Variants in FAM219A observed in about 807,000 individuals in gnomAD.
FAM219A encodes the protein family with sequence similarity 219 member A.
FAM219A carries 7 observed loss-of-function variants against 23.4 expected under a neutral mutation model. That is an observed-to-expected ratio of 0.30 (90% CI 0.17 to 0.56). The LOEUF is 0.56. FAM219A is among the 20% of genes least tolerant of loss of function. The pLI is 0.92. For missense variants in FAM219A, 166 were observed against 246.9 expected, an observed-to-expected ratio of 0.67 and a Z score of 2.20; for synonymous variants, 93 against 99.0, an observed-to-expected ratio of 0.94 and a Z score of 0.36.
chr9:34,442,316 ATTTGTT>A (rs977853078), intron 1 of FAM219A, among the ~76,000 whole-genome samples: 1 of 152,162 alleles, frequency 6.6e-6, no homozygotes, highest in African/African-American at 2.4e-5. Flanking sequence ...TGAACTTTTT[ATTTGTT>A]TTTGTTTTTG....
chr9:34,440,536 G>GT (rs966270212), intron 1 of FAM219A, among the ~76,000 whole-genome samples: 10 of 150,216 alleles, frequency 6.7e-5, no homozygotes, highest in East Asian at 2.0e-4. Flanking sequence ...GCCCTCACAG[G>GT]TTTTTTTTTC....
chr9:34,424,352 GC>G (rs1822381016), intron 1 of FAM219A, among the ~76,000 whole-genome samples: 1 of 152,002 alleles, frequency 6.6e-6, no homozygotes, highest in African/African-American at 2.4e-5. Context: ...TTCTTGTGAG[GC>G]TTGCAAGTCC....
At chr9:34,427,260 C>T (rs1009033231) in intron 1 of FAM219A, among the ~76,000 whole-genome samples, 1 of 152,094 alleles carries the variant, frequency 6.6e-6, no homozygotes, top group African/African-American at 2.4e-5. Flanking sequence ...CAGCCTCAGC[C>T]TCCTGGGCTC....
intron 2 of FAM219A, among the ~76,000 whole-genome samples, chr9:34,403,987 CA>C (rs1821543311): frequency 6.6e-6 from 1 of 152,120 alleles, no homozygotes; most frequent in Admixed American, 6.5e-5. Context: ...CTAGGGGGTG[CA>C]ATTTGCCTTA....
At chr9:34,411,432 G>A (rs1221715847) in intron 1 of FAM219A, among the ~76,000 whole-genome samples, 2 of 151,980 alleles carry the variant, frequency 1.3e-5, no homozygotes, top group Admixed American at 6.6e-5. Flanking sequence ...GCTCACGCCT[G>A]TAATCCTAGC....
At chr9:34,414,265 C>A (rs1821922823) in intron 1 of FAM219A, among the ~76,000 whole-genome samples, 1 of 152,234 alleles carries the variant, frequency 6.6e-6, no homozygotes, top group Non-Finnish European at 1.5e-5. Flanking sequence ...TCTTACTCTG[C>A]AGTATGACCT....
At chr9:34,409,084 C>G (rs1007791775) in intron 1 of FAM219A, among the ~76,000 whole-genome samples, 2 of 152,198 alleles carry the variant, frequency 1.3e-5, no homozygotes, top group African/African-American at 2.4e-5. Context: ...GATGAAACTG[C>G]CAGCTCCTTT....
intron 1 of FAM219A, among the ~76,000 whole-genome samples, chr9:34,452,387 G>A (rs377025755): frequency 7.9e-4 from 120 of 152,268 alleles, no homozygotes; most frequent in African/African-American, 2.7e-3. Context: ...TGAGTTTCCC[G>A]AGGTGATGAT....
chr9:34,423,566 T>G (rs1351919553), intron 1 of FAM219A, among the ~76,000 whole-genome samples: 1 of 152,150 alleles, frequency 6.6e-6, no homozygotes, highest in African/African-American at 2.4e-5. Flanking sequence ...TTGTAAGATA[T>G]GTTCAGGGTT....
intron 1 of FAM219A, among the ~76,000 whole-genome samples, chr9:34,453,877 G>A (rs1243851304): frequency 6.6e-6 from 1 of 152,198 alleles, no homozygotes; most frequent in South Asian, 2.1e-4. Flanking sequence ...AGACAATAGG[G>A]CCAGAGAGCC....
chr9:34,421,070 C>T (rs907014486), intron 1 of FAM219A, among the ~76,000 whole-genome samples: 3 of 137,388 alleles, frequency 2.2e-5, no homozygotes, highest in African/African-American at 8.2e-5. Context: ...ACAAATTTTG[C>T]TGCATCCAGC....
intron 1 of FAM219A, among the ~76,000 whole-genome samples, chr9:34,441,637 C>G (rs1167933742): frequency 6.6e-6 from 1 of 152,086 alleles, no homozygotes; most frequent in Non-Finnish European, 1.5e-5. Context: ...CTTTGCTGTA[C>G]AAATGTGAAG....
chr9:34,450,053 T>C (rs994996264), intron 1 of FAM219A, among the ~76,000 whole-genome samples: 10 of 152,182 alleles, frequency 6.6e-5, no homozygotes, highest in African/African-American at 2.4e-4. Context: ...GGCTTACACC[T>C]GTAATCCCAG....
At chr9:34,418,268 G>T (rs567940337) in intron 1 of FAM219A, among the ~76,000 whole-genome samples, 76 of 152,100 alleles carry the variant, frequency 5.0e-4, no homozygotes, top group Admixed American at 1.7e-3. Context: ...TTTAAAAGAT[G>T]ATTTAGAATC....
chr9:34,440,893 A>G (rs1309115745), intron 1 of FAM219A, among the ~76,000 whole-genome samples: 2 of 151,824 alleles, frequency 1.3e-5, no homozygotes, highest in Admixed American at 6.6e-5. Context: ...TTATCTTACT[A>G]TGTTGCCCAG....
chr9:34,438,202 C>T (rs188405101), intron 1 of FAM219A, among the ~76,000 whole-genome samples: 28 of 152,358 alleles, frequency 1.8e-4, no homozygotes, highest in African/African-American at 6.0e-4. Flanking sequence ...ATGCTTGAGC[C>T]TCCCACCCCT....
intron 4 of FAM219A, chr9:34,402,127 C>T (rs1206139628): frequency 7.6e-6 from 11 of 1,439,404 alleles, no homozygotes; most frequent in Non-Finnish European, 6.4e-6. Context: ...CATCACAGGC[C>T]AATTAGGGAC....
intron 1 of FAM219A, among the ~76,000 whole-genome samples, chr9:34,431,437 T>C (rs1268223626): frequency 1.3e-5 from 2 of 152,212 alleles, no homozygotes; most frequent in Non-Finnish European, 2.9e-5. Flanking sequence ...GCAGAGCCTG[T>C]ATTGCTGCAG....
chr9:34,408,513 G>C (rs994831940), intron 1 of FAM219A, among the ~76,000 whole-genome samples: 3 of 152,224 alleles, frequency 2.0e-5, no homozygotes, highest in African/African-American at 7.2e-5. Context: ...TAAGTCCCAA[G>C]TCACATTCCT....
Sources: allele counts gnomAD v4.1 joint callset (sites outside exome capture counted in the v4.1 genomes callset), GRCh38; gene constraint gnomAD v4.1.1; transcripts MANE v1.5; gene names NCBI Gene and HGNC (gene_info 2026-07-23, HGNC 2026-07-21).